Variants in SLC35F4 observed in about 807,000 individuals in gnomAD.
The protein encoded by SLC35F4 is solute carrier family 35 member F4, also known as chromosome 14 open reading frame 36.
Under a neutral mutation model 44.2 loss-of-function variants are expected in SLC35F4, and 24 were observed. That is an observed-to-expected ratio of 0.54 (90% CI 0.39 to 0.76). SLC35F4 has a LOEUF of 0.76. Among genes scored for constraint, SLC35F4 ranks in the 30% least tolerant of loss-of-function variants. The pLI is 0.00. For synonymous variants in SLC35F4, 238 were observed against 223.6 expected (o/e 1.06, Z -0.57); for missense variants, 562 against 586.1 (o/e 0.96, Z 0.42).
intron 1 of SLC35F4, among the ~76,000 whole-genome samples, chr14:57,644,102 G>A (rs1476667565): frequency 6.6e-6 from 1 of 152,148 alleles, no homozygotes. Flanking sequence ...CTTTATAGCA[G>A]CACGATTTAT....
At chr14:57,605,429 G>T (rs2071099697) in intron 1 of SLC35F4, among the ~76,000 whole-genome samples, 1 of 152,090 alleles carries the variant, frequency 6.6e-6, no homozygotes, top group Non-Finnish European at 1.5e-5. Context: ...CAGTCAGAAT[G>T]GCTTTTGTTA....
intron 1 of SLC35F4, among the ~76,000 whole-genome samples, chr14:57,807,874 T>C (rs1220286785): frequency 6.6e-6 from 1 of 151,910 alleles, no homozygotes; most frequent in Non-Finnish European, 1.5e-5. Context: ...TTCACAGTTC[T>C]ACATGGCTGG....
At chr14:57,871,290 A>G (rs1350178306) in intron 1 of SLC35F4, among the ~76,000 whole-genome samples, 1 of 152,204 alleles carries the variant, frequency 6.6e-6, no homozygotes, top group African/African-American at 2.4e-5. Flanking sequence ...TGCTGAGCTA[A>G]GCCAAAGATC....
chr14:57,565,719 T>G (rs2068172776), intron 7 of SLC35F4, among the ~76,000 whole-genome samples: 1 of 149,450 alleles, frequency 6.7e-6, no homozygotes. Context: ...AGTTGTTTCA[T>G]GTAGGTTGGC....
chr14:57,575,103 C>T (rs1275844500), intron 4 of SLC35F4, among the ~76,000 whole-genome samples: 1 of 152,122 alleles, frequency 6.6e-6, no homozygotes, highest in East Asian at 1.9e-4. Flanking sequence ...AGTGGTGCCA[C>T]CTGCTCGGCT....
intron 5 of SLC35F4, among the ~76,000 whole-genome samples, chr14:57,570,399 C>A (rs1594886612): frequency 6.6e-6 from 1 of 152,246 alleles, no homozygotes; most frequent in East Asian, 1.9e-4. Flanking sequence ...GACAGAGAGA[C>A]CCTGTCATTA....
chr14:57,671,248 C>T lies in SLC35F4; in HGVS notation c.104-77124G>A, dbSNP rs564181231. On this transcript the variant is annotated intron_variant, in intron 1 of 7. Transcript: ENST00000556826. The stretch of plus-strand genomic sequence containing the variant: ...CCTCACCCATGCACAGAATGAGAAG[C>T]GGTGGGGAGCTGGGGCAGCTAAGGG... Among the ~76,000 whole-genome samples the T allele has an allele frequency of 6.6e-5, 10 of 152,142 alleles. No individual in the cohort carries two copies. In the South Asian group the frequency reaches 8.3e-4, roughly 13 times the overall value.
chr14:57,955,669 A>T (rs533002765), intron 1 of SLC35F4, among the ~76,000 whole-genome samples: 1 of 152,342 alleles, frequency 6.6e-6, no homozygotes, highest in Non-Finnish European at 1.5e-5. Flanking sequence ...GAGCCAAATC[A>T]TGAGTGAACT....
intron 1 of SLC35F4, among the ~76,000 whole-genome samples, chr14:57,797,525 T>C (rs1051673325): frequency 6.6e-6 from 1 of 152,222 alleles, no homozygotes; most frequent in Admixed American, 6.5e-5. Flanking sequence ...TTCAGTTCCT[T>C]ATCTGTAAAA....
At chr14:57,751,233 G>T (rs1438437073) in intron 1 of SLC35F4, among the ~76,000 whole-genome samples, 1 of 152,150 alleles carries the variant, frequency 6.6e-6, no homozygotes, top group Non-Finnish European at 1.5e-5. Context: ...GCAAAACTTT[G>T]ATTTCAAACC....
At chr14:57,865,417 G>A (rs980036399) in intron 1 of SLC35F4, among the ~76,000 whole-genome samples, 2 of 152,184 alleles carry the variant, frequency 1.3e-5, no homozygotes, top group African/African-American at 4.8e-5. Flanking sequence ...ATCCACCAGG[G>A]TGAGCCGGCC....
intron 1 of SLC35F4, among the ~76,000 whole-genome samples, chr14:57,808,290 A>G (rs1187061537): frequency 6.6e-6 from 1 of 151,976 alleles, no homozygotes; most frequent in African/African-American, 2.4e-5. Context: ...AAAGTCAGAC[A>G]GCAACTGGAA....
intron 1 of SLC35F4, among the ~76,000 whole-genome samples, chr14:57,821,939 G>T (rs867053501): frequency 6.6e-6 from 1 of 152,190 alleles, no homozygotes; most frequent in Non-Finnish European, 1.5e-5. Flanking sequence ...CTAAGGAGGT[G>T]CCCACTCTCA....
intron 1 of SLC35F4, among the ~76,000 whole-genome samples, chr14:57,749,097 CT>C (rs1304423885): frequency 2.0e-5 from 3 of 152,208 alleles, no homozygotes; most frequent in African/African-American, 7.2e-5. Context: ...ATAGATATGC[CT>C]GACATCAATA....
intron 1 of SLC35F4, among the ~76,000 whole-genome samples, chr14:57,704,092 T>C (rs1367275334): frequency 1.3e-5 from 2 of 152,196 alleles, no homozygotes; most frequent in African/African-American, 2.4e-5. Context: ...AGGCAGGACT[T>C]AGAACTAGAG....
chr14:57,634,186 T>C (rs1303232558), intron 1 of SLC35F4, among the ~76,000 whole-genome samples: 4 of 152,140 alleles, frequency 2.6e-5, no homozygotes, highest in Non-Finnish European at 4.4e-5. Flanking sequence ...CCAGACATGT[T>C]CTTTCATGGC....
intron 1 of SLC35F4, among the ~76,000 whole-genome samples, chr14:57,905,944 CAG>C (rs1889096619): frequency 6.6e-6 from 1 of 152,032 alleles, no homozygotes; most frequent in African/African-American, 2.4e-5. Flanking sequence ...CTCCAAAAGA[CAG>C]AGCCCTGACA....
chr14:57,902,972 C>A (rs1035282830), intron 1 of SLC35F4, among the ~76,000 whole-genome samples: 3 of 152,138 alleles, frequency 2.0e-5, no homozygotes, highest in Admixed American at 2.0e-4. Flanking sequence ...ACCTCCTCAC[C>A]CTGCCTTATT....
chr14:57,602,166 T>TAAA (rs35032895), intron 1 of SLC35F4, among the ~76,000 whole-genome samples: 1 of 145,650 alleles, frequency 6.9e-6, no homozygotes, highest in African/African-American at 2.5e-5. Context: ...GCCTGGATGG[T>TAAA]AAAAAAAAAA....
Sources: gnomAD v4.1 joint callset for allele counts (sites outside exome capture counted in the v4.1 genomes callset) on GRCh38, gnomAD v4.1.1 for gene constraint, MANE v1.5 for transcripts, NCBI Gene and HGNC (gene_info 2026-07-23, HGNC 2026-07-21) for gene names.